The following CHML variants were observed in gnomAD, a reference collection of about 807,000 sequenced individuals.
CHML encodes CHM like Rab escort protein, also known as rab proteins geranylgeranyltransferase component A 2.
CHML carries 20 observed loss-of-function variants against 30.4 expected under a neutral mutation model. That is an observed-to-expected ratio of 0.66 (90% CI 0.46 to 0.95). The LOEUF is 0.95. Ranked by LOEUF, CHML falls within the 40% of genes least tolerant of loss-of-function variation. The pLI is 0.00. For missense variants in CHML, 795 were observed against 768.5 expected (o/e 1.03, Z -0.41); for synonymous variants, 281 against 275.0 (o/e 1.02, Z -0.22).
At position 241,640,135 on chromosome 1, in the gene CHML, G is replaced by A. The variant is rs767491650; in HGVS notation, c.-561C>T. On this transcript the variant is annotated 5_prime_UTR_variant, in exon 1 of 2. Coordinates refer to ENST00000366553, the MANE Select transcript of CHML (RefSeq NM_001381853.1). ...CCAGCAGCAGCGCCAGGCGCTCGTA[G>A]GTGCCGGGGCTGAAGAGGGGCGCGG... The A allele has an allele frequency of 4.1e-5, 65 of 1,593,626 alleles. No individual in the cohort carries two copies. The African/African-American group carries it at 8.2e-4, about 20-fold the overall frequency.
In CHML at chr1:241,634,558, A is replaced by G. The variant is rs533890577; in HGVS notation, c.1209T>C (p.Arg403=). 2.5e-6 allele frequency: 4 copies of G among 1,613,910 alleles called. No homozygotes were observed. The highest frequency in any genetic ancestry group is 1.7e-5 in the Admixed American group (1 of 59,986). Residue 403 remains arginine, a synonymous_variant, in exon 2 of 2, where the codon CGT becomes CGC. Coordinates refer to ENST00000366553, the MANE Select transcript of CHML (RefSeq NM_001381853.1). The stretch of plus-strand genomic sequence containing the variant: ...CGACTACAAAGCATTGTACTTTATG[A>G]CGAAGACAATAGATTCCACCAAAAA... The part of the protein sequence containing the change: ...CAVFGGIYCL[R]HKVQCFVVDK...
In CHML at chr1:241,634,087, C is replaced by T. The variant is rs769115175; in HGVS notation, c.1680G>A (p.Ser560=). The change falls in exon 2 of 2, where the codon TCG becomes TCA. Residue 560 remains serine (S), a synonymous_variant. Coordinates refer to ENST00000366553, the MANE Select transcript of CHML (RefSeq NM_001381853.1). The part of the protein sequence containing the change: ...WALYFNMRDS[S]GISRSSYNGL... ...CATTATACGAGCTTCTGCTGATTCC[C>T]GAGGAATCTCTCATATTAAAATAAA... The T allele has an allele frequency of 9.3e-6, 15 of 1,611,044 alleles. No homozygotes were observed. Among genetic ancestry groups the T allele is most frequent in the African/African-American group, 4.0e-5 (3 of 74,610 alleles).
chr1:241,639,822 C>A, intron 1 of CHML, 60 bp downstream of exon 1: 1 of 1,367,186 alleles, frequency 7.3e-7, no homozygotes, highest in Non-Finnish European at 9.5e-7. Flanking sequence ...ACGGAGCGGG[C>A]AGCGGGGTGG....
chr1:241,632,695 C>T lies in CHML; in HGVS notation c.*1101G>A, dbSNP rs765217048. On this transcript the variant is annotated 3_prime_UTR_variant, in exon 2 of 2. Coordinates refer to ENST00000366553, the MANE Select transcript of CHML (RefSeq NM_001381853.1). ...CACAATTTGTTAAGTGGGACACAAC[C>T]GAAAGGGCATGGTAAATCCTCCTTT... The T allele has an allele frequency of 3.3e-5, 5 of 152,002 alleles. No individual in the cohort carries two copies. The highest frequency in any genetic ancestry group is 5.9e-5 in the Non-Finnish European group (4 of 67,994). 9.4% of individuals were successfully genotyped at this position (152,002 alleles called of 1,614,324 possible). A position where few individuals can be genotyped will look rare whatever the true frequency, so the allele number is the denominator to read the frequency against.
Position 241,635,553 on chromosome 1 carries a change from T to A in CHML, c.214A>T (p.Ser72Cys). Residue 72 changes from serine to cysteine, a missense_variant, in exon 2 of 2, where the codon AGT becomes TGT. Coordinates refer to ENST00000366553, the MANE Select transcript of CHML (RefSeq NM_001381853.1). The stretch of plus-strand genomic sequence containing the variant: ...ATCAGGTCCTGCCATACAACAGTAC[T>A]TTCTTCCCCAATGTCATTGTTTTGC... ...YQQNNDIGEESTVVWQDLIHE... is the reference protein window; with the variant it reads ...YQQNNDIGEECTVVWQDLIHE... 1 of 1,614,082 alleles carries A rather than the reference T, an allele frequency of 6.2e-7. No individual in the cohort carries two copies. Among genetic ancestry groups the A allele is most frequent in the Non-Finnish European group, 8.5e-7 (1 of 1,179,948 alleles).
Position 241,640,165 on chromosome 1 carries a change from C to T in CHML, c.-591G>A, listed in dbSNP as rs1201849093. On this transcript the variant is annotated 5_prime_UTR_variant, in exon 1 of 2. Transcript: ENST00000366553. The stretch of plus-strand genomic sequence containing the variant: ...CGGGGCTGAAGAGGGGCGCGGGGCT[C>T]AGTGTCCCCGCCGGCGCCGGCCCCT... The T allele has an allele frequency of 1.4e-6, 2 of 1,471,536 alleles. No individual in the cohort carries two copies. The highest frequency in any genetic ancestry group is 2.7e-5 in the South Asian group (2 of 73,588). The allele number at this position is 1,471,536 out of a possible 1,614,324, so 91.2% of individuals were successfully genotyped here. A position where few individuals can be genotyped will look rare whatever the true frequency, so the allele number is the denominator to read the frequency against.
chr1:241,636,489 GGC>G (rs1218890390), intron 1 of CHML, among the ~76,000 whole-genome samples: 1 of 152,082 alleles, frequency 6.6e-6, no homozygotes, highest in Admixed American at 6.6e-5. Context: ...ATATTTCTGT[GGC>G]CATTACAGTC....
At position 241,634,635 on chromosome 1, in the gene CHML, G is replaced by T; in HGVS notation, c.1132C>A (p.Pro378Thr). 1 of 1,613,870 alleles carries T rather than the reference G, an allele frequency of 6.2e-7. No homozygotes were observed. The highest frequency in any genetic ancestry group is 8.5e-7 in the Non-Finnish European group (1 of 1,179,876). ...GRFGNTPFLF[P>T]LYGQGEIPQG... is the part of the protein sequence containing the mutation. ...GGAATTTCTCCTTGGCCATACAAGG[G>T]AAATAAAAAGGGGGTGTTGCCAAAC... The change falls in exon 2 of 2, where the codon CCC (proline) becomes ACC (threonine). Residue 378 changes from proline (P) to threonine (T), a missense_variant. By Grantham distance (38) the Pro-to-Thr change is conservative. Coordinates refer to ENST00000366553, the MANE Select transcript of CHML (RefSeq NM_001381853.1).
chr1:241,637,748 T>C (rs1664953830), intron 1 of CHML, among the ~76,000 whole-genome samples: 1 of 152,152 alleles, frequency 6.6e-6, no homozygotes, highest in East Asian at 1.9e-4. Flanking sequence ...AACTGATAGC[T>C]GGAGAGATTA....
rs771412466 is a variant in CHML, at chr1:241,634,446, G to A, written c.1321C>T (p.Leu441Phe). 1.2e-6 allele frequency: 2 copies of A among 1,613,542 alleles called. No individual in the cohort carries two copies. The highest frequency in any genetic ancestry group is 1.1e-5 in the South Asian group (1 of 91,076). The change falls in exon 2 of 2, where the codon CTT (leucine) becomes TTT (phenylalanine). Residue 441 changes from leucine (L) to phenylalanine (F), a missense_variant. Leu to Phe is a conservative substitution (Grantham distance 22). Coordinates refer to ENST00000366553, the MANE Select transcript of CHML (RefSeq NM_001381853.1). ...AKYFIVEDSY[L>F]SEETCSNVQY... ...ACATTTGAGCATGTTTCCTCAGAAAGGTAACTGTCTTCCACAATAAAATAT... is the reference window on the plus strand; with the variant it reads ...ACATTTGAGCATGTTTCCTCAGAAAAGTAACTGTCTTCCACAATAAAATAT...
Position 241,629,814 on chromosome 1 carries a change from C to T in CHML, c.*3982G>A, listed in dbSNP as rs1664551653. 6.6e-6 allele frequency: 1 copy of T among 151,954 alleles called. No individual in the cohort carries two copies. The highest frequency in any genetic ancestry group is 2.4e-5 in the African/African-American group (1 of 41,408). 9.4% of individuals were successfully genotyped at this position (151,954 alleles called of 1,614,324 possible). ...GCAGTTATTAATATTTCTTTCTTTC[C>T]ATTGGCTTATTAATTTCAGTTAAAC... is the stretch of plus-strand genomic sequence containing the variant. On this transcript the variant is annotated 3_prime_UTR_variant, in exon 2 of 2. Transcript: ENST00000366553.
chr1:241,634,124 A>T lies in CHML; in HGVS notation c.1643T>A (p.Leu548His). Residue 548 changes from leucine (L) to histidine (H), a missense_variant, in exon 2 of 2, where the codon CTC becomes CAC. Transcript: ENST00000366553. ...CATATTAAAATAAAGAGCCCACAAG[A>T]GTCTTGGCTTTGTAAGTTCTTCCTC... Reference protein sequence around the residue: ...INEEELTKPRLLWALYFNMRD... With the variant: ...INEEELTKPRHLWALYFNMRD... 6.2e-7 allele frequency: 1 copy of T among 1,612,660 alleles called. No homozygotes were observed. Among genetic ancestry groups the T allele is most frequent in the Non-Finnish European group, 8.5e-7 (1 of 1,179,582 alleles).
rs1664880031 is a variant in CHML, at chr1:241,635,902, T to A, written c.-136A>T. On this transcript the variant is annotated 5_prime_UTR_variant, in exon 2 of 2. It removes the in-frame stop codon of an upstream open reading frame in the 5' UTR. Coordinates refer to ENST00000366553, the MANE Select transcript of CHML (RefSeq NM_001381853.1). ...GTTGCAGGTCCTAGCTGTTTAACGG[T>A]TACCCTTTTAAAATATTTTTTTTCT... 8.8e-6 allele frequency: 7 copies of A among 797,982 alleles called. No homozygotes were observed. Among genetic ancestry groups the A allele is most frequent in the Non-Finnish European group, 1.4e-5 (7 of 510,828 alleles). 49.4% of individuals were successfully genotyped at this position (797,982 alleles called of 1,614,324 possible).
chr1:241,637,255 A>C (rs968600832), intron 1 of CHML, among the ~76,000 whole-genome samples: 6 of 152,238 alleles, frequency 3.9e-5, no homozygotes, highest in Non-Finnish European at 8.8e-5. Flanking sequence ...GATACTGGAA[A>C]AACAAGCCAT....
At position 241,628,856 on chromosome 1, in the gene CHML, T is replaced by G. The variant is rs918146150; in HGVS notation, c.*4940A>C. On this transcript the variant is annotated 3_prime_UTR_variant, in exon 2 of 2. Transcript: ENST00000366553. ...ATCAGTAATTTTCTCACCAGTTCAG[T>G]AAACCACTTTACCAATTAATCTTTT... is the stretch of plus-strand genomic sequence containing the variant. 2 of 152,542 alleles carry G rather than the reference T, an allele frequency of 1.3e-5. No individual in the cohort carries two copies. The highest frequency in any genetic ancestry group is 4.8e-5 in the African/African-American group (2 of 41,462). 9.4% of individuals were successfully genotyped at this position (152,542 alleles called of 1,614,324 possible).
rs80336474 is a variant in CHML, at chr1:241,634,517, C to T, written c.1250G>A (p.Arg417Gln). The T allele has an allele frequency of 1.9e-3, 3,033 of 1,613,850 alleles. 46 individuals are homozygous for T. The African/African-American group carries it at 0.036, about 19-fold the overall frequency. Reference protein sequence around the residue: ...QCFVVDKESGRCKAIIDHFGQ... With the variant: ...QCFVVDKESGQCKAIIDHFGQ... Reference sequence around the variant, plus strand: ...AAAGTGATCTATAATTGCTTTACATCGTCCAGATTCTTTGTCGACTACAAA... The same window carrying T: ...AAAGTGATCTATAATTGCTTTACATTGTCCAGATTCTTTGTCGACTACAAA... Residue 417 changes from arginine (R) to glutamine (Q), a missense_variant, in exon 2 of 2, where the codon CGA becomes CAA. By Grantham distance (43) the Arg-to-Gln change is conservative. Coordinates refer to ENST00000366553, the MANE Select transcript of CHML (RefSeq NM_001381853.1).
intron 1 of CHML, among the ~76,000 whole-genome samples, chr1:241,637,776 C>G (rs955511881): frequency 2.0e-5 from 3 of 152,062 alleles, no homozygotes; most frequent in Non-Finnish European, 4.4e-5. Context: ...TGAGAAAGCC[C>G]GCACAATGCA....
Position 241,636,086 on chromosome 1 carries a change from A to C in CHML, c.-307-13T>G. 1 of 439,952 alleles carries C rather than the reference A, an allele frequency of 2.3e-6. No homozygotes were observed. The highest frequency in any genetic ancestry group is 4.0e-6 in the Non-Finnish European group (1 of 250,556). 27.3% of individuals were successfully genotyped at this position (439,952 alleles called of 1,614,324 possible). A position where few individuals can be genotyped will look rare whatever the true frequency, so the allele number is the denominator to read the frequency against. On this transcript the variant is annotated splice_polypyrimidine_tract_variant and intron_variant, in intron 1 of 1. Coordinates refer to ENST00000366553, the MANE Select transcript of CHML (RefSeq NM_001381853.1). ...CTGGAACTCTTCTCTGAAAGAAGAA[A>C]ATTCAAGAAAGAATACATTGTAAAC...
chr1:241,635,779 C>T lies in CHML; in HGVS notation c.-13G>A. The T allele has an allele frequency of 1.9e-6, 3 of 1,601,284 alleles. No individual in the cohort carries two copies. Among genetic ancestry groups the T allele is most frequent in the South Asian group, 2.2e-5 (2 of 89,540 alleles). The stretch of plus-strand genomic sequence containing the variant: ...GATTGTCCGCCATTTTAGGAAGTAA[C>T]AGCGTCTGGTGACAACTGCTGATGA... On this transcript the variant is annotated 5_prime_UTR_variant, in exon 2 of 2. Coordinates refer to ENST00000366553, the MANE Select transcript of CHML (RefSeq NM_001381853.1).
Sources: allele counts gnomAD v4.1 joint callset (sites outside exome capture counted in the v4.1 genomes callset), GRCh38; gene constraint gnomAD v4.1.1; transcripts MANE v1.5; gene names NCBI Gene and HGNC (gene_info 2026-07-23, HGNC 2026-07-21).